The following MCTP1 variants were observed in gnomAD, a reference collection of about 807,000 sequenced individuals.
MCTP1 encodes multiple C2 and transmembrane domain-containing protein 1.
Under a neutral mutation model 120.6 loss-of-function variants are expected in MCTP1, and 69 were observed. The ratio of observed to expected loss-of-function variants is 0.57; its 90% confidence interval spans 0.47 to 0.70. The LOEUF is 0.70. Among genes scored for constraint, MCTP1 ranks in the 30% least tolerant of loss-of-function variants. The pLI is 0.00. For synonymous variants in MCTP1, 529 were observed against 493.1 expected (o/e 1.07, Z -0.96); for missense variants, 1,203 against 1,248.8 (o/e 0.96, Z 0.55).
chr5:94,710,086 C>T (rs564463971), intron 21 of MCTP1: 1 of 152,056 alleles, frequency 6.6e-6, no homozygotes, highest in Admixed American at 6.6e-5. Flanking sequence ...TCTACCCCGT[C>T]TAGTTTATAT....
chr5:94,795,973 G>A (rs1779918985), intron 18 of MCTP1, among the ~76,000 whole-genome samples: 2 of 152,188 alleles, frequency 1.3e-5, no homozygotes, highest in African/African-American at 4.8e-5. Flanking sequence ...TTCAATGCCT[G>A]TAATCTTAAA....
At chr5:94,861,292 C>T (rs1795727303) in intron 17 of MCTP1, among the ~76,000 whole-genome samples, 1 of 151,844 alleles carries the variant, frequency 6.6e-6, no homozygotes, top group Non-Finnish European at 1.5e-5. Flanking sequence ...ATGGGAACAA[C>T]TTCCTTAACA....
intron 19 of MCTP1, among the ~76,000 whole-genome samples, chr5:94,753,194 T>C (rs1768909165): frequency 6.6e-6 from 1 of 152,188 alleles, no homozygotes; most frequent in African/African-American, 2.4e-5. Context: ...AAGTCAGTCT[T>C]ATGAAATGTA....
At chr5:94,718,497 G>A (rs1040247993) in intron 19 of MCTP1, among the ~76,000 whole-genome samples, 1 of 151,938 alleles carries the variant, frequency 6.6e-6, no homozygotes, top group African/African-American at 2.4e-5. Flanking sequence ...TGGTTGCAAT[G>A]CAACCAAAGC....
chr5:95,283,461 T>A (rs1431717308), intron 1 of MCTP1, among the ~76,000 whole-genome samples: 2 of 152,210 alleles, frequency 1.3e-5, no homozygotes, highest in African/African-American at 2.4e-5. Flanking sequence ...TTGCTTCCAA[T>A]GGTACCTCTC....
chr5:94,992,778 A>G (rs572119987), intron 2 of MCTP1, among the ~76,000 whole-genome samples: 192 of 45,730 alleles, frequency 4.2e-3, no homozygotes, highest in African/African-American at 8.8e-3. Flanking sequence ...GTTGGCCCCC[A>G]TCCCTTCCCC....
Position 95,284,453 on chromosome 5 carries a change from C to A in MCTP1, c.123G>T (p.Gly41=). The part of the protein sequence containing the change: ...GVGRSKGGGG[G]RAGGPERRTA... ...TGCGGCGCTCTGGACCCCCAGCGCG[C>A]CCGCCCCCGCCGCCCTTGCTCCTGC... is the stretch of plus-strand genomic sequence containing the variant. Residue 41 remains glycine, a synonymous_variant, in exon 1 of 23, where the codon GGG becomes GGT. Coordinates refer to ENST00000515393, the MANE Select transcript of MCTP1 (RefSeq NM_024717.7). This position sits in a 1 kb window ranked among gnomAD's most constrained non-coding sequence, Gnocchi z 5.2. 6.7e-7 allele frequency: 1 copy of A among 1,490,884 alleles called. No individual in the cohort carries two copies. The highest frequency in any genetic ancestry group is 1.2e-5 in the South Asian group (1 of 80,296). 92.4% of individuals were successfully genotyped at this position (1,490,884 alleles called of 1,614,324 possible).
intron 1 of MCTP1, among the ~76,000 whole-genome samples, chr5:95,152,398 T>A (rs1744630810): frequency 6.6e-6 from 1 of 152,196 alleles, no homozygotes; most frequent in Admixed American, 6.5e-5. Context: ...GGGGACAATA[T>A]CTTTCTTATA....
At chr5:95,021,207 T>A (rs1838145345) in intron 1 of MCTP1, among the ~76,000 whole-genome samples, 1 of 152,004 alleles carries the variant, frequency 6.6e-6, no homozygotes, top group African/African-American at 2.4e-5. Flanking sequence ...CCTTGTCAGG[T>A]TGTGAGCATT....
intron 3 of MCTP1, among the ~76,000 whole-genome samples, chr5:94,947,257 G>T (rs368900298): frequency 1.3e-5 from 2 of 151,890 alleles, no homozygotes; most frequent in East Asian, 3.9e-4. Flanking sequence ...CCAGTATTGG[G>T]GAAATGGACA....
At chr5:95,172,592 T>TTC (rs1747461584) in intron 1 of MCTP1, among the ~76,000 whole-genome samples, 1 of 150,404 alleles carries the variant, frequency 6.6e-6, no homozygotes, top group Non-Finnish European at 1.5e-5. Flanking sequence ...ATCAAACTAT[T>TTC]TTTTTTTTGG....
chr5:95,284,482 C>G lies in MCTP1; in HGVS notation c.94G>C (p.Val32Leu). Residue 32 changes from valine to leucine, a missense_variant, in exon 1 of 23, where the codon GTG becomes CTG. Val to Leu is a conservative substitution (Grantham distance 32). This residue lies in a region of MCTP1 where 463 missense variants were observed against 377.8 expected (regional missense o/e 1.23). Coordinates refer to ENST00000515393, the MANE Select transcript of MCTP1 (RefSeq NM_024717.7). The surrounding 1 kb of genome is among the most constrained non-coding windows in gnomAD (Gnocchi z 5.2). ...CCCCCGCCGCCCTTGCTCCTGCCCA[C>G]CCCCAGCTGCAGGTTCTTCCAGAGC... ...ARLWKNLQLG[V>L]GRSKGGGGGR... is the part of the protein sequence containing the mutation. 6.6e-7 allele frequency: 1 copy of G among 1,513,166 alleles called. No homozygotes were observed. Among genetic ancestry groups the G allele is most frequent in the Non-Finnish European group, 8.8e-7 (1 of 1,138,676 alleles). The allele number at this position is 1,513,166 out of a possible 1,614,324, so 93.7% of individuals were successfully genotyped here.
chr5:94,787,307 T>C (rs529766029), intron 18 of MCTP1, among the ~76,000 whole-genome samples: 1 of 152,252 alleles, frequency 6.6e-6, no homozygotes, highest in Admixed American at 6.5e-5. Context: ...TTGTTGAAGA[T>C]TGCTTTGCTC....
intron 3 of MCTP1, among the ~76,000 whole-genome samples, chr5:94,948,037 G>T (rs1409274207): frequency 3.3e-5 from 5 of 151,964 alleles, no homozygotes; most frequent in Admixed American, 3.3e-4. Context: ...TTATACTAAG[G>T]CAGTTTCAGA....
At chr5:94,734,361 T>TA (rs938698664) in intron 19 of MCTP1, among the ~76,000 whole-genome samples, 4 of 152,022 alleles carry the variant, frequency 2.6e-5, no homozygotes, top group African/African-American at 9.7e-5. Context: ...AAACATAGAG[T>TA]AAAAAAAACT....
At chr5:94,944,162 T>G (rs1347055647) in intron 3 of MCTP1, among the ~76,000 whole-genome samples, 1 of 152,158 alleles carries the variant, frequency 6.6e-6, no homozygotes, top group Non-Finnish European at 1.5e-5. Context: ...ATTCTTAGAT[T>G]TGAAGAGTCA....
intron 1 of MCTP1, among the ~76,000 whole-genome samples, chr5:95,117,217 C>T (rs1039878881): frequency 1.3e-5 from 2 of 151,728 alleles, no homozygotes; most frequent in Non-Finnish European, 2.9e-5. Context: ...GGTGAAACCC[C>T]GTCTCTACTA....
At chr5:95,098,925 T>A (rs1756487161) in intron 1 of MCTP1, among the ~76,000 whole-genome samples, 1 of 152,032 alleles carries the variant, frequency 6.6e-6, no homozygotes, top group Non-Finnish European at 1.5e-5. Context: ...AAAACAGAGA[T>A]ATAGATTAAT....
chr5:94,731,075 T>C (rs1221162075), intron 19 of MCTP1, among the ~76,000 whole-genome samples: 1 of 152,206 alleles, frequency 6.6e-6, no homozygotes, highest in Non-Finnish European at 1.5e-5. Context: ...TGATCTTACT[T>C]TCACTTCTTT....
Sources: gnomAD v4.1 joint callset for allele counts (sites outside exome capture counted in the v4.1 genomes callset) on GRCh38, gnomAD v4.1.1 for gene constraint, gnomAD v4.1.1 regional missense constraint, Gnocchi (gnomAD v3.1) non-coding constraint, MANE v1.5 for transcripts, NCBI Gene and HGNC (gene_info 2026-07-23, HGNC 2026-07-21) for gene names.